Variants in FMN2 observed in about 807,000 individuals in gnomAD.
The protein encoded by FMN2 is formin-2.
Under a neutral mutation model 142.3 loss-of-function variants are expected in FMN2, and 51 were observed. That is an observed-to-expected ratio of 0.36 (90% CI 0.29 to 0.45). FMN2 has a LOEUF of 0.45. Ranked by LOEUF, FMN2 falls within the 20% of genes least tolerant of loss-of-function variation. The pLI, the probability that FMN2 is intolerant of heterozygous loss-of-function variation, is 1.00. For missense variants in FMN2, 1,936 were observed against 2,122.8 expected, an observed-to-expected ratio of 0.91 and a Z score of 1.73; for synonymous variants, 882 against 869.8, an observed-to-expected ratio of 1.01 and a Z score of -0.25.
chr1:240,200,447 A>G (rs1666082396), intron 4 of FMN2, among the ~76,000 whole-genome samples: 2 of 152,176 alleles, frequency 1.3e-5, no homozygotes, highest in Non-Finnish European at 2.9e-5. Context: ...GTACTCTCTG[A>G]GAGCCAGCCG....
At chr1:240,226,197 A>G (rs368776986) in intron 6 of FMN2, among the ~76,000 whole-genome samples, 6 of 152,332 alleles carry the variant, frequency 3.9e-5, no homozygotes, top group East Asian at 3.9e-4. Flanking sequence ...AAGAAGTTCA[A>G]TGAATTCCTC....
chr1:240,160,823 G>A (rs1664245719), intron 2 of FMN2, among the ~76,000 whole-genome samples: 1 of 152,106 alleles, frequency 6.6e-6, no homozygotes, highest in Non-Finnish European at 1.5e-5. Flanking sequence ...TGATGTGATT[G>A]TATATGTAAA....
chr1:240,258,068 T>A, intron 7 of FMN2, 36 bp downstream of exon 7: 1 of 1,525,258 alleles, frequency 6.6e-7, no homozygotes, highest in Non-Finnish European at 9.0e-7. Flanking sequence ...TTCTGAATAT[T>A]AAAATTTGGG....
chr1:240,458,489 G>A (rs1676327084), intron 16 of FMN2: 1 of 152,080 alleles, frequency 6.6e-6, no homozygotes, highest in South Asian at 2.1e-4. Flanking sequence ...AACAAAAATA[G>A]GATACAAATG....
At chr1:240,272,410 G>T (rs1669048533) in intron 7 of FMN2, among the ~76,000 whole-genome samples, 1 of 152,150 alleles carries the variant, frequency 6.6e-6, no homozygotes, top group Admixed American at 6.5e-5. Context: ...AGAGGGGTCG[G>T]ATTGGCACTG....
chr1:240,351,725 T>C (rs1572219972), intron 13 of FMN2, among the ~76,000 whole-genome samples: 1 of 152,312 alleles, frequency 6.6e-6, no homozygotes, highest in East Asian at 1.9e-4. Flanking sequence ...TAGAAGACTT[T>C]GTCACAGCCA....
intron 15 of FMN2, among the ~76,000 whole-genome samples, chr1:240,423,323 G>T (rs1302154550): frequency 6.6e-6 from 1 of 152,144 alleles, no homozygotes; most frequent in African/African-American, 2.4e-5. Context: ...CTTGTGGAAG[G>T]CTTTAACTGA....
chr1:240,420,102 T>G (rs1367273492), intron 15 of FMN2, among the ~76,000 whole-genome samples: 1 of 152,198 alleles, frequency 6.6e-6, no homozygotes, highest in Admixed American at 6.5e-5. Flanking sequence ...TGGATTTTAA[T>G]GAGCCCAGCT....
At chr1:240,295,188 A>G (rs867062672) in intron 8 of FMN2, among the ~76,000 whole-genome samples, 90 of 50,446 alleles carry the variant, frequency 1.8e-3, no homozygotes, top group African/African-American at 6.3e-3. Flanking sequence ...TGTGCACTTC[A>G]TACACACACA....
intron 2 of FMN2, among the ~76,000 whole-genome samples, chr1:240,130,142 T>C (rs1662677316): frequency 1.3e-5 from 2 of 152,172 alleles, no homozygotes; most frequent in African/African-American, 2.4e-5. Context: ...TAATAGTTTA[T>C]CTATAAGTTG....
chr1:240,279,112 C>A (rs1477219891), intron 7 of FMN2, among the ~76,000 whole-genome samples: 2 of 152,100 alleles, frequency 1.3e-5, no homozygotes, highest in Non-Finnish European at 2.9e-5. Flanking sequence ...ATTCACGGTG[C>A]CTGAGGTAGG....
At chr1:240,391,530 C>T (rs1042688726) in intron 14 of FMN2, among the ~76,000 whole-genome samples, 2 of 152,102 alleles carry the variant, frequency 1.3e-5, no homozygotes, top group South Asian at 4.1e-4. Flanking sequence ...AATAAAAAGA[C>T]AACTTCTTCT....
At chr1:240,187,287 A>AG (rs1244937890) in intron 3 of FMN2, among the ~76,000 whole-genome samples, 53 of 145,568 alleles carry the variant, frequency 3.6e-4, no homozygotes, top group African/African-American at 1.1e-3. Flanking sequence ...AAAAAAAAAA[A>AG]AAAAGAAAAG....
At chr1:240,423,016 A>G (rs545126382) in intron 15 of FMN2, among the ~76,000 whole-genome samples, 1 of 152,300 alleles carries the variant, frequency 6.6e-6, no homozygotes, top group Admixed American at 6.5e-5. Context: ...TGAAGGTGTA[A>G]GTACCACAGT....
At chr1:240,106,120 G>A (rs991733746) in intron 1 of FMN2, among the ~76,000 whole-genome samples, 4 of 152,110 alleles carry the variant, frequency 2.6e-5, no homozygotes, top group African/African-American at 9.7e-5. Context: ...CAACTCTATA[G>A]TATTTTATCC....
chr1:240,211,581 A>G (rs1666694492), intron 6 of FMN2, among the ~76,000 whole-genome samples: 1 of 152,246 alleles, frequency 6.6e-6, no homozygotes, highest in Admixed American at 6.5e-5. Flanking sequence ...AAGAAAGGAA[A>G]GAGTGGGCAA....
chr1:240,451,076 C>T lies in FMN2; in HGVS notation c.5060+12866C>T, dbSNP rs146423467. Among the ~76,000 whole-genome samples the T allele has an allele frequency of 6.8e-3, 1,033 of 152,192 alleles. 13 individuals carry two copies. The highest frequency in any genetic ancestry group is 0.024 in the African/African-American group (979 of 41,526). ...GTAAGGAAATATTAATTTTTAAAAGCATTTGTCTTGGCTGGGCGCAGTGGC... is the reference window on the plus strand; with the variant it reads ...GTAAGGAAATATTAATTTTTAAAAGTATTTGTCTTGGCTGGGCGCAGTGGC... On this transcript the variant is annotated intron_variant, in intron 16 of 17. Coordinates refer to ENST00000319653, the MANE Select transcript of FMN2 (RefSeq NM_020066.5).
chr1:240,411,630 GTT>G lies in FMN2; in HGVS notation c.4910+19079_4910+19080del, dbSNP rs144007284. ...GACATTTCCTTGTGTTTGATCTGTT[GTT>G]TTTTTTTTTTCTCTGAGAAGCATTT... On this transcript the variant is annotated intron_variant, in intron 15 of 17. Coordinates refer to ENST00000319653, the MANE Select transcript of FMN2 (RefSeq NM_020066.5). 2.8e-5 allele frequency among the ~76,000 whole-genome samples: 4 copies of G among 140,896 alleles called. 1 individual carries two copies. Among genetic ancestry groups the G allele is most frequent in the Non-Finnish European group, 4.5e-5 (3 of 65,990 alleles). 92.4% of individuals were successfully genotyped at this position (140,896 alleles called of 152,430 possible).
At chr1:240,176,542 C>T (rs1173061525) in intron 2 of FMN2, among the ~76,000 whole-genome samples, 1 of 152,196 alleles carries the variant, frequency 6.6e-6, no homozygotes, top group Non-Finnish European at 1.5e-5. Context: ...CATCCCTTGC[C>T]TGAGTTTTAT....
Sources: gnomAD v4.1 joint callset for allele counts (sites outside exome capture counted in the v4.1 genomes callset) on GRCh38, gnomAD v4.1.1 for gene constraint, MANE v1.5 for transcripts, NCBI Gene and HGNC (gene_info 2026-07-23, HGNC 2026-07-21) for gene names.